The following PLCB4 variants were observed in gnomAD, a reference collection of about 807,000 sequenced individuals.
The protein encoded by PLCB4 is phospholipase C beta 4.
In PLCB4, 77 loss-of-function variants were observed where a neutral mutation model predicts 178.8. That is an observed-to-expected ratio of 0.43 (90% CI 0.36 to 0.52). The LOEUF is 0.52. PLCB4 is among the 20% of genes least tolerant of loss of function. PLCB4 has a pLI of 0.00. For synonymous variants in PLCB4, 496 were observed against 490.8 expected (o/e 1.01, Z -0.14); for missense variants, 1,024 against 1,453.4 (o/e 0.70, Z 4.80).
chr20:9,466,938 C>T (rs893461805), intron 35 of PLCB4, among the ~76,000 whole-genome samples: 19 of 152,100 alleles, frequency 1.2e-4, no homozygotes, highest in African/African-American at 4.6e-4. Flanking sequence ...GGTATATACC[C>T]AGAGAATTAT....
In PLCB4 at chr20:9,429,742, C is replaced by T. The variant is rs149696925; in HGVS notation, c.2524+5790C>T. On this transcript the variant is annotated intron_variant, in intron 28 of 39. Transcript: ENST00000378473. ...ATCCATATGTCTCACATATATATGC[C>T]TCTGGCCAGTGGAGAAACTGAATTA... Among the ~76,000 whole-genome samples the T allele has an allele frequency of 3.9e-5, 6 of 152,314 alleles. No individual in the cohort carries two copies. In the East Asian group the frequency reaches 5.8e-4, roughly 15 times the overall value.
rs112387625 is a variant in PLCB4 at position 9,412,976 on chromosome 20, C to T, written c.2051+1888C>T. On this transcript the variant is annotated intron_variant, in intron 25 of 39. Coordinates refer to ENST00000378473, the MANE Select transcript of PLCB4 (RefSeq NM_001377142.1). Reference sequence around the variant, plus strand: ...AGCTCAGTCAGGTTGAATGAGTGTACGAAAGTACTTCAGGAACTGCACATT... The same window carrying T: ...AGCTCAGTCAGGTTGAATGAGTGTATGAAAGTACTTCAGGAACTGCACATT... Among the ~76,000 whole-genome samples, 214 of 152,242 alleles carry T rather than the reference C, an allele frequency of 1.4e-3. 1 individual carries two copies. The highest frequency in any genetic ancestry group is 4.8e-3 in the African/African-American group (201 of 41,530).
intron 32 of PLCB4, 103 bp downstream of exon 32, chr20:9,444,346 C>G (rs1205428446): frequency 4.4e-6 from 3 of 677,204 alleles, no homozygotes; most frequent in Non-Finnish European, 7.9e-6. Context: ...ACAGTAATAA[C>G]TCATTCTAAC....
At chr20:9,388,589 GC>G (rs2148401005) in intron 15 of PLCB4, among the ~76,000 whole-genome samples, 1 of 152,276 alleles carries the variant, frequency 6.6e-6, no homozygotes, top group South Asian at 2.1e-4. Flanking sequence ...GTGGTGGCAT[GC>G]ACCTGTAATC....
At chr20:9,264,167 A>C (rs1452726295) in intron 3 of PLCB4, among the ~76,000 whole-genome samples, 1 of 152,180 alleles carries the variant, frequency 6.6e-6, no homozygotes, top group Admixed American at 6.5e-5. Flanking sequence ...AGCAATTCAG[A>C]AATCCATGCC....
rs541729231 is a variant in PLCB4 at position 9,344,430 on chromosome 20, C to T, written c.369+5393C>T. Among the ~76,000 whole-genome samples the T allele has an allele frequency of 1.8e-4, 28 of 152,322 alleles. No homozygotes were observed. In the South Asian group the frequency reaches 5.8e-3, roughly 32 times the overall value. ...TTATTTTCTTCCTCTGTCTGCAGGA[C>T]GGCACTGTTCTGTTCACTGCTGTAT... is the stretch of plus-strand genomic sequence containing the variant. On this transcript the variant is annotated intron_variant, in intron 7 of 39. Transcript: ENST00000378473.
At chr20:9,327,551 T>C (rs886798513) in intron 4 of PLCB4, among the ~76,000 whole-genome samples, 2 of 151,700 alleles carry the variant, frequency 1.3e-5, no homozygotes, top group African/African-American at 2.4e-5. Flanking sequence ...CCGAGGTGGG[T>C]GGATCACGAG....
At chr20:9,400,761 TC>T (rs1430240174) in intron 19 of PLCB4, among the ~76,000 whole-genome samples, 1 of 152,196 alleles carries the variant, frequency 6.6e-6, no homozygotes, top group Non-Finnish European at 1.5e-5. Flanking sequence ...TTCTTTTTTT[TC>T]CCCACGAACA....
intron 3 of PLCB4, among the ~76,000 whole-genome samples, chr20:9,251,332 A>G (rs1006336740): frequency 6.6e-6 from 1 of 152,244 alleles, no homozygotes; most frequent in African/African-American, 2.4e-5. Context: ...TTCAGTCCCC[A>G]TCCTTGATTT....
intron 12 of PLCB4, among the ~76,000 whole-genome samples, chr20:9,377,434 T>C (rs1169106859): frequency 6.6e-6 from 1 of 152,202 alleles, no homozygotes; most frequent in Non-Finnish European, 1.5e-5. Flanking sequence ...CTTCTCCTCT[T>C]GTTTTTCCAT....
At chr20:9,388,750 T>G (rs2037892781) in intron 15 of PLCB4, among the ~76,000 whole-genome samples, 1 of 152,180 alleles carries the variant, frequency 6.6e-6, no homozygotes, top group African/African-American at 2.4e-5. Flanking sequence ...GATGTCTAGA[T>G]GCTATGCATA....
chr20:9,445,125 G>T (rs540915461), intron 32 of PLCB4, among the ~76,000 whole-genome samples: 172 of 152,264 alleles, frequency 1.1e-3, no homozygotes, highest in African/African-American at 4.0e-3. Flanking sequence ...TTCTCCTGTG[G>T]GTTGAAAAAC....
intron 2 of PLCB4, among the ~76,000 whole-genome samples, chr20:9,138,383 C>A (rs1401878699): frequency 6.6e-6 from 1 of 151,892 alleles, no homozygotes; most frequent in Non-Finnish European, 1.5e-5. Context: ...AAAATAATAT[C>A]TTTGGGGATC....
chr20:9,459,606 A>T lies in PLCB4; in HGVS notation c.3073-29A>T. 3 of 1,565,866 alleles carry T rather than the reference A, an allele frequency of 1.9e-6. No individual in the cohort carries two copies. In the South Asian group the frequency reaches 3.4e-5, roughly 18 times the overall value. On this transcript the variant is annotated intron_variant, in intron 34 of 39. Transcript: ENST00000378473. ...TTCATACCTGACCTATGAGGATTAC[A>T]ATGGCACCGTCCCCTTTTTCCCAAA...
chr20:9,367,654 G>A (rs1270474774), intron 9 of PLCB4, among the ~76,000 whole-genome samples: 2 of 152,174 alleles, frequency 1.3e-5, no homozygotes, highest in Admixed American at 6.5e-5. Flanking sequence ...TCCAAGATGA[G>A]GTTCAGGAAA....
intron 3 of PLCB4, among the ~76,000 whole-genome samples, chr20:9,304,221 G>T (rs1050926630): frequency 1.3e-5 from 2 of 151,200 alleles, no homozygotes; most frequent in African/African-American, 2.5e-5. Flanking sequence ...TGATTAAGGG[G>T]TGTATGTATG....
At chr20:9,179,005 T>A (rs1286844964) in intron 2 of PLCB4, among the ~76,000 whole-genome samples, 1 of 152,180 alleles carries the variant, frequency 6.6e-6, no homozygotes, top group Non-Finnish European at 1.5e-5. Flanking sequence ...AGAAATTATA[T>A]CTTTAACAAC....
intron 3 of PLCB4, among the ~76,000 whole-genome samples, chr20:9,233,043 T>C (rs950526755): frequency 1.3e-5 from 2 of 152,148 alleles, no homozygotes; most frequent in African/African-American, 4.8e-5. Flanking sequence ...GTGATTTATA[T>C]TGTCAAAGGC....
rs73091689 is a variant in PLCB4, at chr20:9,172,356, C to T, written c.-78-45034C>T. Among the ~76,000 whole-genome samples the T allele has an allele frequency of 4.9e-3, 743 of 152,290 alleles. 6 individuals are homozygous for T. The highest frequency in any genetic ancestry group is 7.6e-3 in the Non-Finnish European group (519 of 68,024). ...GAATATCTTACTCATTTTCTACATA[C>T]ATCCTACCTATCCTTGAAAGTTAAG... is the stretch of plus-strand genomic sequence containing the variant. On this transcript the variant is annotated intron_variant, in intron 2 of 39. Transcript: ENST00000378473.
Sources: allele counts gnomAD v4.1 joint callset (sites outside exome capture counted in the v4.1 genomes callset), GRCh38; gene constraint gnomAD v4.1.1; transcripts MANE v1.5; gene names NCBI Gene and HGNC (gene_info 2026-07-23, HGNC 2026-07-21).